The following TTC28 variants were observed in gnomAD, a reference collection of about 807,000 sequenced individuals.
TTC28 encodes tetratricopeptide repeat domain 28.
A neutral mutation model predicts 198.0 loss-of-function variants in TTC28; 61 were observed. The ratio of observed to expected loss-of-function variants is 0.31; its 90% CI spans 0.25 to 0.38. The LOEUF (loss-of-function observed/expected upper bound fraction) is 0.38, where lower values mean the gene tolerates loss of function less well. Ranked by LOEUF, TTC28 falls within the 10% of genes least tolerant of loss-of-function variation. TTC28 has a pLI of 1.00. For synonymous variants in TTC28, 1,171 were observed against 1,297.8 expected, an observed-to-expected ratio of 0.90 and a Z score of 2.10; for missense variants, 2,678 against 3,164.0, an observed-to-expected ratio of 0.85 and a Z score of 3.69.
At chr22:28,543,134 A>G (rs2049453871) in intron 2 of TTC28, among the ~76,000 whole-genome samples, 1 of 152,204 alleles carries the variant, frequency 6.6e-6, no homozygotes, top group African/African-American at 2.4e-5. Flanking sequence ...CACGAGTCTG[A>G]GACCAGCCTG....
At chr22:28,473,496 CAACT>C (rs1225043073) in intron 2 of TTC28, among the ~76,000 whole-genome samples, 2 of 152,132 alleles carry the variant, frequency 1.3e-5, no homozygotes, top group Non-Finnish European at 2.9e-5. Context: ...CTTTCCATGG[CAACT>C]ACCTAGAAGT....
intron 2 of TTC28, among the ~76,000 whole-genome samples, chr22:28,616,086 T>C (rs1025421086): frequency 3.9e-5 from 6 of 152,212 alleles, no homozygotes; most frequent in Non-Finnish European, 8.8e-5. Flanking sequence ...ATATCGGTGT[T>C]AGAACTTGAA....
At chr22:28,088,933 T>G (rs1272134108) in intron 12 of TTC28, among the ~76,000 whole-genome samples, 2 of 152,148 alleles carry the variant, frequency 1.3e-5, no homozygotes, top group Admixed American at 6.5e-5. Context: ...TCACTGGCCA[T>G]CAGAGAAATG....
chr22:28,226,050 T>C (rs1928318830), intron 5 of TTC28, among the ~76,000 whole-genome samples: 1 of 152,262 alleles, frequency 6.6e-6, no homozygotes, highest in Admixed American at 6.5e-5. Flanking sequence ...TGCTAGTGGA[T>C]ATTTGGATTG....
intron 5 of TTC28, among the ~76,000 whole-genome samples, chr22:28,192,432 G>A (rs1405886869): frequency 6.6e-6 from 1 of 152,186 alleles, no homozygotes; most frequent in Non-Finnish European, 1.5e-5. Context: ...GAACAAAGCT[G>A]GATGGAGAAT....
intron 5 of TTC28, among the ~76,000 whole-genome samples, chr22:28,212,329 A>C (rs1398915372): frequency 6.6e-6 from 1 of 151,692 alleles, no homozygotes; most frequent in Non-Finnish European, 1.5e-5. Context: ...AAAATCAAGG[A>C]ATCCAGGAGC....
At chr22:28,032,187 TAAAATATATATATATAA>T (rs1939126492) in intron 12 of TTC28, among the ~76,000 whole-genome samples, 2 of 72,888 alleles carry the variant, frequency 2.7e-5, no homozygotes, top group Non-Finnish European at 4.9e-5. Flanking sequence ...TATATATATA[TAAAATATATATATATAA>T]AATATATATA....
intron 5 of TTC28, among the ~76,000 whole-genome samples, chr22:28,168,528 A>G (rs891226297): frequency 5.9e-5 from 9 of 152,174 alleles, no homozygotes; most frequent in African/African-American, 2.2e-4. Context: ...CATATCTACA[A>G]CCATCTGATC....
chr22:28,148,473 C>A (rs995643347), intron 6 of TTC28, among the ~76,000 whole-genome samples: 1 of 152,028 alleles, frequency 6.6e-6, no homozygotes, highest in African/African-American at 2.4e-5. Flanking sequence ...GTTAGCTAGG[C>A]GCGGTGGCGG....
chr22:28,039,179 C>T (rs1163138794), intron 12 of TTC28, among the ~76,000 whole-genome samples: 1 of 152,094 alleles, frequency 6.6e-6, no homozygotes, highest in Non-Finnish European at 1.5e-5. Flanking sequence ...GGTATATACC[C>T]AAAGGATTAT....
At chr22:28,619,267 T>A (rs1290851506) in intron 2 of TTC28, among the ~76,000 whole-genome samples, 1 of 152,220 alleles carries the variant, frequency 6.6e-6, no homozygotes, top group East Asian at 1.9e-4. Flanking sequence ...GCCTAACATT[T>A]TATTTAATCC....
intron 2 of TTC28, among the ~76,000 whole-genome samples, chr22:28,595,481 C>G (rs776106415): frequency 3.3e-5 from 5 of 152,100 alleles, no homozygotes; most frequent in Admixed American, 1.3e-4. Flanking sequence ...TATTATAAAA[C>G]CTAACACTTT....
chr22:28,221,857 T>C (rs1331803510), intron 5 of TTC28, among the ~76,000 whole-genome samples: 1 of 152,196 alleles, frequency 6.6e-6, no homozygotes, highest in Non-Finnish European at 1.5e-5. Flanking sequence ...ATTCTGTGTG[T>C]CTTCAACCTA....
In TTC28 at chr22:27,980,508, G is replaced by A. The variant is rs994786187; in HGVS notation, c.*1713C>T. The stretch of plus-strand genomic sequence containing the variant: ...TCTTCTTTTCAGAGGAGTACACTGA[G>A]GAACAGGTGAGATTGTCAGTGTATG... On this transcript the variant is annotated 3_prime_UTR_variant, in exon 23 of 23. Transcript: ENST00000397906. 6.6e-6 allele frequency: 1 copy of A among 152,226 alleles called. No homozygotes were observed. Among genetic ancestry groups the A allele is most frequent in the Non-Finnish European group, 1.5e-5 (1 of 68,046 alleles). 9.4% of individuals were successfully genotyped at this position (152,226 alleles called of 1,614,324 possible).
chr22:28,266,085 T>C (rs1004807792), intron 5 of TTC28, among the ~76,000 whole-genome samples: 3 of 150,586 alleles, frequency 2.0e-5, no homozygotes, highest in Admixed American at 6.6e-5. Context: ...GAAGTTGAGG[T>C]AGGAGAATCA....
At chr22:28,274,671 C>A (rs1265198366) in intron 5 of TTC28, among the ~76,000 whole-genome samples, 1 of 151,996 alleles carries the variant, frequency 6.6e-6, no homozygotes, top group Non-Finnish European at 1.5e-5. Flanking sequence ...TGCCAGATTG[C>A]AGAAAAGATG....
rs35849354 is a variant in TTC28 at position 28,637,004 on chromosome 22, GTTTTTT to G, written c.103-7180_103-7175del. 1.6e-4 allele frequency among the ~76,000 whole-genome samples: 16 copies of G among 97,308 alleles called. No individual in the cohort carries two copies. The Admixed American group carries it at 1.9e-3, about 11-fold the overall frequency. The allele number at this position is 97,308 out of a possible 152,430, so 63.8% of individuals were successfully genotyped here. ...GGAGTTTTAGAGTTTCAGGTCTTCAGTTTTTTTTTTTTTTTTTTTTTTGAGACGGAG... is the reference window on the plus strand; with the variant it reads ...GGAGTTTTAGAGTTTCAGGTCTTCAGTTTTTTTTTTTTTTTTGAGACGGAG... On this transcript the variant is annotated intron_variant, in intron 1 of 22. Coordinates refer to ENST00000397906, the MANE Select transcript of TTC28 (RefSeq NM_001145418.2).
intron 5 of TTC28, among the ~76,000 whole-genome samples, chr22:28,206,237 G>A (rs1601473914): frequency 6.6e-6 from 1 of 152,090 alleles, no homozygotes; most frequent in East Asian, 1.9e-4. Flanking sequence ...GCATTTAAAG[G>A]AAGAAGGGAG....
intron 12 of TTC28, among the ~76,000 whole-genome samples, chr22:28,040,946 A>G (rs570591800): frequency 6.6e-6 from 1 of 152,316 alleles, no homozygotes; most frequent in African/African-American, 2.4e-5. Context: ...CCAATAATAG[A>G]CAAACAGCCA....
Sources: allele counts gnomAD v4.1 joint callset (sites outside exome capture counted in the v4.1 genomes callset), GRCh38; gene constraint gnomAD v4.1.1; transcripts MANE v1.5; gene names NCBI Gene and HGNC (gene_info 2026-07-23, HGNC 2026-07-21).